Variants in PTPRD observed in about 807,000 individuals in gnomAD.
PTPRD encodes receptor-type tyrosine-protein phosphatase delta.
A neutral mutation model predicts 214.5 loss-of-function variants in PTPRD; 34 were observed. That is an observed-to-expected ratio of 0.16 (90% CI 0.12 to 0.21). The LOEUF is 0.21. Among genes scored for constraint, PTPRD ranks in the 10% least tolerant of loss-of-function variants. PTPRD has a pLI of 1.00. For synonymous variants in PTPRD, 1,128 were observed against 845.7 expected, an observed-to-expected ratio of 1.33 and a Z score of -5.79; for missense variants, 2,545 against 2,398.7, an observed-to-expected ratio of 1.06 and a Z score of -1.27.
At chr9:10,345,253 T>G (rs2097049783) in intron 2 of PTPRD, among the ~76,000 whole-genome samples, 1 of 152,184 alleles carries the variant, frequency 6.6e-6, no homozygotes, top group South Asian at 2.1e-4. Flanking sequence ...TTTTCATAAA[T>G]TTATAGTGAA....
At chr9:8,329,737 G>A (rs1837825146) in intron 44 of PTPRD, among the ~76,000 whole-genome samples, 1 of 152,258 alleles carries the variant, frequency 6.6e-6, no homozygotes, top group South Asian at 2.1e-4. Flanking sequence ...GTAATCCAGA[G>A]AAGCAGTTGG....
At chr9:9,788,955 C>A (rs2098947255) in intron 5 of PTPRD, among the ~76,000 whole-genome samples, 1 of 152,104 alleles carries the variant, frequency 6.6e-6, no homozygotes, top group Non-Finnish European at 1.5e-5. Flanking sequence ...GTTTCCGGTG[C>A]CTCTCTAACA....
intron 39 of PTPRD, among the ~76,000 whole-genome samples, chr9:8,351,879 C>G (rs974224432): frequency 2.0e-5 from 3 of 149,980 alleles, no homozygotes; most frequent in Admixed American, 1.3e-4. Flanking sequence ...ATTTCATCAA[C>G]AGAGAAGGGG....
chr9:9,666,258 T>A (rs1427636732), intron 7 of PTPRD, among the ~76,000 whole-genome samples: 1 of 151,942 alleles, frequency 6.6e-6, no homozygotes, highest in Non-Finnish European at 1.5e-5. Context: ...TACACTGGTA[T>A]CCTGTACAGT....
chr9:8,650,656 T>G (rs72700314), intron 12 of PTPRD, among the ~76,000 whole-genome samples: 15,857 of 151,834 alleles, frequency 0.1, 959 homozygotes, highest in South Asian at 0.14. Context: ...ACTTAAAAAA[T>G]ATACTGAAAA....
chr9:8,654,232 T>C (rs1404712238), intron 12 of PTPRD, among the ~76,000 whole-genome samples: 1 of 152,184 alleles, frequency 6.6e-6, no homozygotes, highest in African/African-American at 2.4e-5. Flanking sequence ...CTCAGATGCC[T>C]CCAAACATAG....
At chr9:10,169,033 A>G (rs2099180473) in intron 3 of PTPRD, among the ~76,000 whole-genome samples, 1 of 152,182 alleles carries the variant, frequency 6.6e-6, no homozygotes. Flanking sequence ...AAAAATTGTC[A>G]GAAACCAGCT....
chr9:9,471,767 T>G (rs1157616570), intron 8 of PTPRD, among the ~76,000 whole-genome samples: 1 of 104,228 alleles, frequency 9.6e-6, no homozygotes, highest in African/African-American at 3.1e-5. Flanking sequence ...AGAATGCACT[T>G]TAGGCATTCA....
At chr9:9,280,794 G>A (rs1480355001) in intron 9 of PTPRD, among the ~76,000 whole-genome samples, 2 of 151,192 alleles carry the variant, frequency 1.3e-5, no homozygotes, top group South Asian at 4.2e-4. Context: ...AAGTTTATAT[G>A]AAGTGGCAAA....
At chr9:8,320,353 G>A (rs1259148318) in intron 44 of PTPRD, among the ~76,000 whole-genome samples, 1 of 152,024 alleles carries the variant, frequency 6.6e-6, no homozygotes, top group Non-Finnish European at 1.5e-5. Context: ...TCAGAATAAG[G>A]TGAAGTGAAT....
intron 4 of PTPRD, among the ~76,000 whole-genome samples, chr9:9,976,425 C>T (rs1188019428): frequency 6.6e-6 from 1 of 151,842 alleles, no homozygotes; most frequent in Non-Finnish European, 1.5e-5. Flanking sequence ...CTTGCTCTGT[C>T]ACCCAGGCAG....
At chr9:8,896,490 T>G (rs548373030) in intron 11 of PTPRD, among the ~76,000 whole-genome samples, 1 of 152,322 alleles carries the variant, frequency 6.6e-6, no homozygotes, top group African/African-American at 2.4e-5. Flanking sequence ...GGCTCAATGA[T>G]GAATGAAATT....
intron 5 of PTPRD, among the ~76,000 whole-genome samples, chr9:9,871,381 T>A (rs2065376614): frequency 6.6e-6 from 1 of 152,192 alleles, no homozygotes; most frequent in Non-Finnish European, 1.5e-5. Context: ...CTTGTATCCT[T>A]GATGGAGCCT....
rs73425433 is a variant in PTPRD at position 8,629,906 on chromosome 9, T to C, written c.352+3411A>G. Among the ~76,000 whole-genome samples, 316 of 151,816 alleles carry C rather than the reference T, an allele frequency of 2.1e-3. 1 individual carries two copies. Among genetic ancestry groups the C allele is most frequent in the African/African-American group, 7.4e-3 (307 of 41,468 alleles). ...GTTATCCCTCCTTATTGAAACACAG[T>C]TTTTGAGAGTAAGGGTAATTTGAAA... On this transcript the variant is annotated intron_variant, in intron 14 of 45. Coordinates refer to ENST00000381196, the MANE Select transcript of PTPRD (RefSeq NM_002839.4).
At chr9:9,662,390 T>C (rs1387655654) in intron 7 of PTPRD, among the ~76,000 whole-genome samples, 1 of 151,682 alleles carries the variant, frequency 6.6e-6, no homozygotes, top group African/African-American at 2.4e-5. Flanking sequence ...TCATTTCATT[T>C]GTGCCACATA....
chr9:8,856,528 T>C (rs1394697980), intron 11 of PTPRD, among the ~76,000 whole-genome samples: 1 of 151,642 alleles, frequency 6.6e-6, no homozygotes, highest in Non-Finnish European at 1.5e-5. Context: ...GCACTGTGTC[T>C]TTGCACATGT....
intron 7 of PTPRD, among the ~76,000 whole-genome samples, chr9:9,592,723 T>C (rs553799672): frequency 3.3e-5 from 5 of 152,064 alleles, no homozygotes; most frequent in African/African-American, 7.2e-5. Context: ...TGAAGATTGC[T>C]AAAACCAATG....
intron 8 of PTPRD, among the ~76,000 whole-genome samples, chr9:9,429,740 G>A (rs61856493): frequency 6.6e-6 from 1 of 152,142 alleles, no homozygotes; most frequent in Admixed American, 6.6e-5. Context: ...TGCAATGCTG[G>A]TTCAACATAC....
intron 12 of PTPRD, among the ~76,000 whole-genome samples, chr9:8,732,741 C>T (rs1416663243): frequency 1.3e-5 from 2 of 152,114 alleles, no homozygotes; most frequent in Non-Finnish European, 2.9e-5. Context: ...AATAGAGCTC[C>T]TATTTCCATG....
Sources: gnomAD v4.1 joint callset for allele counts (sites outside exome capture counted in the v4.1 genomes callset) on GRCh38, gnomAD v4.1.1 for gene constraint, MANE v1.5 for transcripts, NCBI Gene and HGNC (gene_info 2026-07-23, HGNC 2026-07-21) for gene names.